KIFAP3: variants seen among roughly 807,000 people sequenced by gnomAD.
KIFAP3 encodes the protein kinesin-associated protein 3.
KIFAP3 carries 68 observed loss-of-function variants against 106.5 expected under a neutral mutation model. The ratio of observed to expected loss-of-function variants is 0.64; its 90% CI spans 0.53 to 0.78. The LOEUF is 0.78. Among genes scored for constraint, KIFAP3 ranks in the 30% least tolerant of loss-of-function variants. The pLI is 0.00. For missense variants in KIFAP3, 780 were observed against 941.8 expected (o/e 0.83, Z 2.25); for synonymous variants, 320 against 311.5 (o/e 1.03, Z -0.29).
At chr1:169,950,008 A>G (rs1664648017) in intron 19 of KIFAP3, among the ~76,000 whole-genome samples, 1 of 152,182 alleles carries the variant, frequency 6.6e-6, no homozygotes, top group South Asian at 2.1e-4. Context: ...AGGTATTCAG[A>G]TTAAGAAGGA....
At chr1:170,003,745 C>T (rs550725477) in intron 10 of KIFAP3, among the ~76,000 whole-genome samples, 79 of 152,298 alleles carry the variant, frequency 5.2e-4, no homozygotes, top group Non-Finnish European at 9.1e-4. Context: ...AAAACCACAG[C>T]CAATATCATA....
At chr1:169,965,600 G>A (rs1230667045) in intron 17 of KIFAP3, among the ~76,000 whole-genome samples, 3 of 151,886 alleles carry the variant, frequency 2.0e-5, no homozygotes, top group African/African-American at 2.4e-5. Flanking sequence ...TGCTTACTCC[G>A]AGTTATCATT....
At chr1:170,014,434 TTGCTTTATC>T (rs1668406769) in intron 10 of KIFAP3, among the ~76,000 whole-genome samples, 1 of 152,226 alleles carries the variant, frequency 6.6e-6, no homozygotes, top group African/African-American at 2.4e-5. Context: ...GTAATGTTTA[TTGCTTTATC>T]TGAATTACTT....
At chr1:170,000,690 CAGAT>C (rs1667621735) in intron 10 of KIFAP3, among the ~76,000 whole-genome samples, 1 of 152,048 alleles carries the variant, frequency 6.6e-6, no homozygotes, top group South Asian at 2.1e-4. Context: ...TCAATATAAA[CAGAT>C]AGCCTTAGTT....
intron 3 of KIFAP3, 91 bp downstream of exon 3, chr1:170,046,621 A>T: frequency 9.9e-7 from 1 of 1,009,462 alleles, no homozygotes. Flanking sequence ...AAATATCAAT[A>T]GTTTGATAAA....
chr1:169,938,634 C>G (rs182265654), intron 19 of KIFAP3, among the ~76,000 whole-genome samples: 7 of 152,134 alleles, frequency 4.6e-5, no homozygotes, highest in Admixed American at 4.6e-4. Flanking sequence ...GTAGATAGAA[C>G]TTTGAAAAAG....
intron 9 of KIFAP3, among the ~76,000 whole-genome samples, chr1:170,016,966 A>C (rs1027086960): frequency 4.6e-5 from 7 of 152,176 alleles, no homozygotes; most frequent in Non-Finnish European, 7.4e-5. Flanking sequence ...CCTCAGTATA[A>C]AAGGAGATGA....
chr1:170,056,512 A>T (rs1670860380), intron 1 of KIFAP3, among the ~76,000 whole-genome samples: 1 of 152,194 alleles, frequency 6.6e-6, no homozygotes, highest in South Asian at 2.1e-4. Context: ...AAACAAGCAA[A>T]ATCTCTCATT....
intron 10 of KIFAP3, among the ~76,000 whole-genome samples, chr1:170,015,508 A>C (rs1442191513): frequency 2.0e-5 from 3 of 152,188 alleles, no homozygotes; most frequent in African/African-American, 7.2e-5. Flanking sequence ...GCAGTATTGA[A>C]TATATGGAGA....
intron 7 of KIFAP3, among the ~76,000 whole-genome samples, chr1:170,033,702 C>A (rs1669533497): frequency 6.6e-6 from 1 of 151,628 alleles, no homozygotes; most frequent in African/African-American, 2.4e-5. Flanking sequence ...GACTTCAGTG[C>A]ACTAAGCAAA....
chr1:170,003,121 T>C (rs534489251), intron 10 of KIFAP3, among the ~76,000 whole-genome samples: 12 of 152,164 alleles, frequency 7.9e-5, no homozygotes, highest in East Asian at 7.7e-4. Flanking sequence ...ACAAAAGATA[T>C]ATAAAATAGA....
At chr1:169,966,897 C>T (rs1665661847) in intron 17 of KIFAP3, among the ~76,000 whole-genome samples, 1 of 151,754 alleles carries the variant, frequency 6.6e-6, no homozygotes, top group Non-Finnish European at 1.5e-5. Flanking sequence ...ACACAATATT[C>T]ATTAAAATAT....
At chr1:170,035,318 T>A (rs1195764007) in intron 6 of KIFAP3, 136 bp downstream of exon 6, 2 of 496,548 alleles carry the variant, frequency 4.0e-6, no homozygotes, top group Admixed American at 4.0e-5. Flanking sequence ...AAAACAGGAA[T>A]AAGAATTCAG....
intron 1 of KIFAP3, among the ~76,000 whole-genome samples, chr1:170,064,701 G>C (rs796158187): frequency 1.1e-4 from 17 of 152,228 alleles, no homozygotes; most frequent in African/African-American, 2.9e-4. Flanking sequence ...TTTATTTATG[G>C]CTTTAGTTTT....
intron 3 of KIFAP3, among the ~76,000 whole-genome samples, chr1:170,042,487 G>C (rs536855891): frequency 2.6e-4 from 39 of 152,310 alleles, no homozygotes; most frequent in African/African-American, 9.4e-4. Context: ...AAAAAGATGT[G>C]TATGACTAGT....
chr1:170,032,950 T>C (rs1390015045), intron 7 of KIFAP3, among the ~76,000 whole-genome samples: 1 of 151,772 alleles, frequency 6.6e-6, no homozygotes, highest in African/African-American at 2.4e-5. Context: ...ATATCAGTTC[T>C]TGTCACCAAA....
intron 1 of KIFAP3, among the ~76,000 whole-genome samples, chr1:170,060,613 C>G (rs924447664): frequency 1.3e-5 from 2 of 152,104 alleles, no homozygotes; most frequent in Admixed American, 6.6e-5. Context: ...TCAATGACAT[C>G]CCCATCAAGC....
At chr1:170,082,322 C>A (rs1672032536) in intron 1 of KIFAP3, among the ~76,000 whole-genome samples, 1 of 152,042 alleles carries the variant, frequency 6.6e-6, no homozygotes, top group African/African-American at 2.4e-5. Flanking sequence ...GACGAAAGAA[C>A]CATATGGTTT....
chr1:169,961,725 T>G (rs1473183126), intron 17 of KIFAP3, among the ~76,000 whole-genome samples: 4 of 152,204 alleles, frequency 2.6e-5, no homozygotes, highest in Non-Finnish European at 1.5e-5. Flanking sequence ...GATGAAGATC[T>G]TTATGATGAT....
Sources: allele counts gnomAD v4.1 joint callset (sites outside exome capture counted in the v4.1 genomes callset), GRCh38; gene constraint gnomAD v4.1.1; transcripts MANE v1.5; gene names NCBI Gene and HGNC (gene_info 2026-07-23, HGNC 2026-07-21).